The following PPM1G variants were observed in gnomAD, a reference collection of about 807,000 sequenced individuals.
The protein encoded by PPM1G is protein phosphatase, Mg2+/Mn2+ dependent 1G, also known as protein phosphatase 1G.
In PPM1G, 12 loss-of-function variants were observed where a neutral mutation model predicts 59.4. The ratio of observed to expected loss-of-function variants is 0.20; its 90% CI spans 0.13 to 0.33. The LOEUF is 0.33. Ranked by LOEUF, PPM1G falls within the 10% of genes least tolerant of loss-of-function variation. The probability of loss-of-function intolerance (pLI) is 1.00; values close to 1 mark genes in which losing one functional copy is unlikely to be tolerated. For synonymous variants in PPM1G, 245 were observed against 251.9 expected (o/e 0.97, Z 0.26); for missense variants, 392 against 681.3 (o/e 0.58, Z 4.73).
At position 27,382,918 on chromosome 2, in the gene PPM1G, C is replaced by T. The variant is rs1357557899; in HGVS notation, c.1202-313G>A. ...TCGGCTCACTACAACCTCCGCCTCC[C>T]GGATTCAAGCGGTTCTCCTGCCTCA... On this transcript the variant is annotated intron_variant, in intron 7 of 9. Transcript: ENST00000344034. This position sits in a 1 kb window ranked among gnomAD's most constrained non-coding sequence, Gnocchi z 4.2. Among the ~76,000 whole-genome samples the T allele has an allele frequency of 1.3e-5, 2 of 151,900 alleles. No homozygotes were observed. The highest frequency in any genetic ancestry group is 2.9e-5 in the Non-Finnish European group (2 of 67,948).
rs371928915 is a variant in PPM1G, at chr2:27,383,985, CTCTTCT to C, written c.927_932del (p.Glu310_Glu311del). 17 of 1,559,474 alleles carry C rather than the reference CTCTTCT, an allele frequency of 1.1e-5. No homozygotes were observed. The highest frequency in any genetic ancestry group is 4.8e-5 in the East Asian group (2 of 41,576). Reference sequence around the variant, plus strand: ...TGCCTTCCATCCCTGGCACCATCATCTCTTCTTCTTCTTCTTCATCGTCCTCTTCAG... The same window carrying C: ...TGCCTTCCATCCCTGGCACCATCATCTCTTCTTCTTCATCGTCCTCTTCAG... On this transcript the variant is annotated inframe_deletion, in exon 6 of 10. Coordinates refer to ENST00000344034, the MANE Select transcript of PPM1G (RefSeq NM_177983.3). This position sits in a 1 kb window ranked among gnomAD's most constrained non-coding sequence, Gnocchi z 5.0.
Position 27,384,126 on chromosome 2 carries a change from G to A in PPM1G, c.826-34C>T. On this transcript the variant is annotated intron_variant, in intron 5 of 9. Transcript: ENST00000344034. The surrounding 1 kb of genome is among the most constrained non-coding windows in gnomAD (Gnocchi z 4.8). ...GGGAGGATCCCAGACTGCTGAGACT[G>A]GGATGATCCCCTCCCTCCCCACAGC... 1 of 1,613,520 alleles carries A rather than the reference G, an allele frequency of 6.2e-7. No individual in the cohort carries two copies. Among genetic ancestry groups the A allele is most frequent in the Non-Finnish European group, 8.5e-7 (1 of 1,179,780 alleles).
chr2:27,386,470 C>A (rs1057459243), intron 2 of PPM1G, 191 bp from the exon 3 acceptor site: 7 of 452,544 alleles, frequency 1.5e-5, no homozygotes, highest in Non-Finnish European at 2.4e-5. Flanking sequence ...ACCATCAATT[C>A]TCTCGGGTAT....
intron 1 of PPM1G, among the ~76,000 whole-genome samples, chr2:27,389,109 T>C (rs138900387): frequency 3.9e-5 from 6 of 152,314 alleles, no homozygotes; most frequent in East Asian, 1.9e-4. Flanking sequence ...AGCTACCTTA[T>C]GGTGTGCCTC....
At position 27,384,656 on chromosome 2, in the gene PPM1G, C is replaced by A. The variant is rs1402623622; in HGVS notation, c.825+17G>T. On this transcript the variant is annotated intron_variant, in intron 5 of 9. Coordinates refer to ENST00000344034, the MANE Select transcript of PPM1G (RefSeq NM_177983.3). The surrounding 1 kb of genome is among the most constrained non-coding windows in gnomAD (Gnocchi z 4.8). ...TCTCTGCAACTTCAGCATCTGCCTG[C>A]CCTCACAGGCCCTTACCTCACTGTC... 2 of 1,580,936 alleles carry A rather than the reference C, an allele frequency of 1.3e-6. No individual in the cohort carries two copies. Among genetic ancestry groups the A allele is most frequent in the Non-Finnish European group, 8.6e-7 (1 of 1,159,608 alleles).
intron 1 of PPM1G, among the ~76,000 whole-genome samples, chr2:27,405,292 C>T (rs960681806): frequency 1.3e-5 from 2 of 151,946 alleles, no homozygotes; most frequent in African/African-American, 2.4e-5. Context: ...AGAATGATCT[C>T]GGTCTCTTGA....
rs1558316302 is a variant in PPM1G at position 27,384,418 on chromosome 2, T to C, written c.825+255A>G. On this transcript the variant is annotated intron_variant, in intron 5 of 9. Coordinates refer to ENST00000344034, the MANE Select transcript of PPM1G (RefSeq NM_177983.3). This position sits in a 1 kb window ranked among gnomAD's most constrained non-coding sequence, Gnocchi z 4.8. ...GCCAAGGTAACAACTATCTCCTTGT[T>C]CTCTCTCTAGGAGACAGACTCTGAA... Among the ~76,000 whole-genome samples, 1 of 152,194 alleles carries C rather than the reference T, an allele frequency of 6.6e-6. No homozygotes were observed. Among genetic ancestry groups the C allele is most frequent in the African/African-American group, 2.4e-5 (1 of 41,448 alleles).
chr2:27,407,558 C>A (rs898053992), intron 1 of PPM1G, among the ~76,000 whole-genome samples: 1 of 152,242 alleles, frequency 6.6e-6, no homozygotes, highest in South Asian at 2.1e-4. Flanking sequence ...TGAGCCACTG[C>A]GCCCAGCCTA....
At chr2:27,392,631 AATTT>A (rs1185728862) in intron 1 of PPM1G, among the ~76,000 whole-genome samples, 2 of 150,912 alleles carry the variant, frequency 1.3e-5, no homozygotes, top group South Asian at 4.2e-4. Flanking sequence ...GAGGGTACCA[AATTT>A]ATTTATTTGA....
intron 1 of PPM1G, chr2:27,392,695 TAGAAA>T (rs1683945712): frequency 1.3e-6 from 1 of 786,984 alleles, no homozygotes; most frequent in East Asian, 2.5e-5. Flanking sequence ...GAACAACTTA[TAGAAA>T]AGGTAAAGGA....
chr2:27,399,036 G>A (rs143544904), intron 1 of PPM1G, among the ~76,000 whole-genome samples: 4 of 151,762 alleles, frequency 2.6e-5, no homozygotes, highest in East Asian at 3.9e-4. Context: ...CCAGCTACTC[G>A]GGAGGCTGAA....
intron 1 of PPM1G, chr2:27,392,729 C>G: frequency 2.9e-6 from 3 of 1,042,432 alleles, no homozygotes; most frequent in Non-Finnish European, 4.4e-6. Context: ...CATACATGCG[C>G]TGCCTTGGTG....
intron 1 of PPM1G, chr2:27,392,898 G>A (rs1454501376): frequency 7.0e-7 from 1 of 1,428,680 alleles, no homozygotes; most frequent in Non-Finnish European, 9.7e-7. Context: ...CCAATTCTTT[G>A]ATGGCCTTCA....
In PPM1G at chr2:27,399,173, A is replaced by AACAACAAC. The variant is rs1278435300; in HGVS notation, c.120+10129_120+10130insGTTGTTGT. ...ACAACAACAACAACAACAACAACAA[A>AACAACAAC]AACAAAACAAAAAAAGAAAGCAAAA... On this transcript the variant is annotated intron_variant, in intron 1 of 9. Transcript: ENST00000344034. Among the ~76,000 whole-genome samples the AACAACAAC allele has an allele frequency of 3.8e-3, 380 of 99,938 alleles. 1 individual carries two copies. Among genetic ancestry groups the AACAACAAC allele is most frequent in the African/African-American group, 0.017 (368 of 22,226 alleles). The allele number at this position is 99,938 out of a possible 152,430, so 65.6% of individuals were successfully genotyped here.
rs919256354 is a variant in PPM1G at position 27,383,681 on chromosome 2, C to T, written c.967-81G>A. On this transcript the variant is annotated intron_variant, in intron 6 of 9. Transcript: ENST00000344034. The surrounding 1 kb of genome is among the most constrained non-coding windows in gnomAD (Gnocchi z 5.0). Reference sequence around the variant, plus strand: ...ATGTGCTCCTGATCGTTCACCTATGCTTGCTTTCACTGGGACCCCCAAAAG... The same window carrying T: ...ATGTGCTCCTGATCGTTCACCTATGTTTGCTTTCACTGGGACCCCCAAAAG... The T allele has an allele frequency of 2.9e-5, 39 of 1,368,048 alleles. No homozygotes were observed. Among genetic ancestry groups the T allele is most frequent in the Middle Eastern group, 2.2e-4 (1 of 4,498 alleles). 84.7% of individuals were successfully genotyped at this position (1,368,048 alleles called of 1,614,324 possible).
chr2:27,407,576 C>G (rs1663411332), intron 1 of PPM1G, among the ~76,000 whole-genome samples: 1 of 152,052 alleles, frequency 6.6e-6, no homozygotes, highest in African/African-American at 2.4e-5. Context: ...CTAGATATTT[C>G]TAATAGACAA....
At position 27,381,517 on chromosome 2, in the gene PPM1G, G is replaced by A; in HGVS notation, c.*82C>T. 6.5e-7 allele frequency: 1 copy of A among 1,543,994 alleles called. No individual in the cohort carries two copies. The highest frequency in any genetic ancestry group is 1.7e-5 in the Admixed American group (1 of 59,604). On this transcript the variant is annotated 3_prime_UTR_variant, in exon 10 of 10. Transcript: ENST00000344034. The stretch of plus-strand genomic sequence containing the variant: ...CTGCACACCTCATACCCACTGCTAA[G>A]GCTAAAGGAAAAAGACAAAACTCAG...
In PPM1G at chr2:27,388,597, C is replaced by T. The variant is rs182752011; in HGVS notation, c.121-1439G>A. 5.3e-5 allele frequency among the ~76,000 whole-genome samples: 8 copies of T among 152,034 alleles called. No individual in the cohort carries two copies. In the East Asian group the frequency reaches 5.8e-4, roughly 11 times the overall value. On this transcript the variant is annotated intron_variant, in intron 1 of 9. Coordinates refer to ENST00000344034, the MANE Select transcript of PPM1G (RefSeq NM_177983.3). ...TTAAAAAAGTATCTACATGTGAGGA[C>T]GGCCACAGTGGCTCACTCCTGTAAT...
At chr2:27,398,261 G>C (rs1227115062) in intron 1 of PPM1G, among the ~76,000 whole-genome samples, 1 of 152,078 alleles carries the variant, frequency 6.6e-6, no homozygotes, top group African/African-American at 2.4e-5. Context: ...TGGGGGAAAA[G>C]AACAGTGGTT....
Sources: gnomAD v4.1 joint callset for allele counts (sites outside exome capture counted in the v4.1 genomes callset) on GRCh38, gnomAD v4.1.1 for gene constraint, Gnocchi (gnomAD v3.1) non-coding constraint, MANE v1.5 for transcripts, NCBI Gene and HGNC (gene_info 2026-07-23, HGNC 2026-07-21) for gene names.